Variants in MAP2 observed in about 807,000 individuals in gnomAD.
MAP2 encodes microtubule-associated protein 2.
MAP2 carries 14 observed loss-of-function variants against 137.6 expected under a neutral mutation model. That is an observed-to-expected ratio of 0.10 (90% CI 0.07 to 0.16). MAP2 has a LOEUF of 0.16. MAP2 is among the 10% of genes least tolerant of loss of function. The pLI, the probability that MAP2 is intolerant of heterozygous loss-of-function variation, is 1.00. For missense variants in MAP2, 2,088 were observed against 2,191.5 expected (o/e 0.95, Z 0.94); for synonymous variants, 786 against 782.3 (o/e 1.00, Z -0.08).
rs892325373 is a variant in MAP2 at position 209,481,453 on chromosome 2, C to T, written c.-221-26139C>T. Among the ~76,000 whole-genome samples the T allele has an allele frequency of 5.9e-5, 9 of 152,112 alleles. No individual in the cohort carries two copies. The East Asian group carries it at 1.2e-3, about 20-fold the overall frequency. On this transcript the variant is annotated intron_variant, in intron 1 of 15. Transcript: ENST00000682079. Reference sequence around the variant, plus strand: ...ATTGTTTCATTGATGGGGGACTGGGCGGTACACCAAAGTGCCACTCCATCC... The same window carrying T: ...ATTGTTTCATTGATGGGGGACTGGGTGGTACACCAAAGTGCCACTCCATCC...
intron 3 of MAP2, among the ~76,000 whole-genome samples, chr2:209,588,429 T>C (rs1461343121): frequency 1.3e-5 from 2 of 152,202 alleles, no homozygotes; most frequent in Non-Finnish European, 2.9e-5. Flanking sequence ...TATGACCATT[T>C]TAAAAAGCCA....
intron 2 of MAP2, among the ~76,000 whole-genome samples, chr2:209,576,277 T>G (rs1009983369): frequency 6.6e-6 from 1 of 152,118 alleles, no homozygotes; most frequent in African/African-American, 2.4e-5. Context: ...GAAGTCTTGC[T>G]CTGTCGCCCA....
chr2:209,518,560 G>C (rs1383798344), intron 2 of MAP2, among the ~76,000 whole-genome samples: 1 of 152,006 alleles, frequency 6.6e-6, no homozygotes, highest in Non-Finnish European at 1.5e-5. Context: ...TCTGTATTCT[G>C]CCTCTTCTTT....
chr2:209,558,196 C>A (rs113625462), intron 2 of MAP2, among the ~76,000 whole-genome samples: 3 of 150,784 alleles, frequency 2.0e-5, no homozygotes, highest in Non-Finnish European at 4.4e-5. Flanking sequence ...TTATTTCTTT[C>A]TTTATTTTTT....
At chr2:209,428,470 G>C (rs1279744911) in intron 1 of MAP2, among the ~76,000 whole-genome samples, 1 of 120,766 alleles carries the variant, frequency 8.3e-6, no homozygotes, top group Non-Finnish European at 1.8e-5. Flanking sequence ...TTCCTTTTTT[G>C]TCTTCTTTCC....
Position 209,694,001 on chromosome 2 carries a change from C to T in MAP2, c.1831C>T (p.Pro611Ser). ...CCATGAGTCTATTGATACCATGTCT[C>T]CCATGCATAAAAATGGTGACAAGGA... The part of the protein sequence containing the change: ...SVHESIDTMS[P>S]MHKNGDKEFQ... The change falls in exon 8 of 16, where the codon CCC becomes TCC. Residue 611 changes from proline (P) to serine (S), a missense_variant. Physicochemically the swap from Pro to Ser is moderately conservative, Grantham distance 74. Around this residue, in one of 6 missense-constraint regions of MAP2, gnomAD observed 859 missense variants for 794.5 expected, o/e 1.08. Transcript: ENST00000682079. 6 of 1,613,950 alleles carry T rather than the reference C, an allele frequency of 3.7e-6. No individual in the cohort carries two copies. The highest frequency in any genetic ancestry group is 2.2e-5 in the East Asian group (1 of 44,870).
chr2:209,670,173 ATTTCTC>A (rs2048175530), intron 5 of MAP2, among the ~76,000 whole-genome samples: 1 of 151,920 alleles, frequency 6.6e-6, no homozygotes, highest in African/African-American at 2.4e-5. Context: ...CTCTCTAGGA[ATTTCTC>A]TTTCTCAAGT....
intron 2 of MAP2, among the ~76,000 whole-genome samples, chr2:209,539,943 A>G (rs1577529997): frequency 6.6e-6 from 1 of 150,888 alleles, no homozygotes. Flanking sequence ...CGAAAAAAAA[A>G]AAAAAAAAAT....
At chr2:209,578,080 G>A (rs958679166) in intron 2 of MAP2, among the ~76,000 whole-genome samples, 2 of 152,158 alleles carry the variant, frequency 1.3e-5, no homozygotes. Flanking sequence ...AGCAGGGAAA[G>A]AAAGTCACTT....
In MAP2 at chr2:209,654,947, A is replaced by G. The variant is rs770514576; in HGVS notation, c.262+1515A>G. ...TTACTTTGTCCCTTGGGCTCTCGCC[A>G]GTTGACTCTCAGTGCCTGTTATGAA... On this transcript the variant is annotated intron_variant, in intron 5 of 15. Coordinates refer to ENST00000682079, the MANE Select transcript of MAP2 (RefSeq NM_001375505.1). 3.9e-5 allele frequency among the ~76,000 whole-genome samples: 6 copies of G among 152,330 alleles called. No homozygotes were observed. The South Asian group carries it at 1.0e-3, about 26-fold the overall frequency.
rs149674945 is a variant in MAP2, at chr2:209,709,979, G to T, written c.4798G>T (p.Ala1600Ser). 1.1e-4 allele frequency: 176 copies of T among 1,613,878 alleles called. 2 individuals are homozygous for T. The highest frequency in any genetic ancestry group is 6.7e-5 in the Admixed American group (4 of 59,972). ...TSTPTTPGSTAITPGTPPSYS... is the reference protein window; with the variant it reads ...TSTPTTPGSTSITPGTPPSYS... ...AACACCCACTACCCCTGGGTCTACT[G>T]CCATCACTCCTGGCACCCCACCAAG... The change falls in exon 13 of 16, where the codon GCC (alanine) becomes TCC (serine). Residue 1600 changes from alanine (A) to serine (S), a missense_variant. Transcript: ENST00000682079.
At chr2:209,637,940 A>G (rs1264104493) in intron 4 of MAP2, among the ~76,000 whole-genome samples, 2 of 151,976 alleles carry the variant, frequency 1.3e-5, no homozygotes, top group Non-Finnish European at 2.9e-5. Flanking sequence ...GTCTATTTTT[A>G]TATCTAAGTA....
intron 4 of MAP2, among the ~76,000 whole-genome samples, chr2:209,650,088 T>A (rs949335336): frequency 2.0e-5 from 3 of 152,298 alleles, no homozygotes; most frequent in African/African-American, 7.2e-5. Context: ...CACTGAGAAA[T>A]CTGTTCCAGA....
chr2:209,632,739 C>A (rs1463824995), intron 4 of MAP2, among the ~76,000 whole-genome samples: 3 of 152,112 alleles, frequency 2.0e-5, no homozygotes, highest in Admixed American at 1.3e-4. Flanking sequence ...ATCCAAGAAT[C>A]TATTGTTTAA....
At chr2:209,614,055 G>A (rs1559410975) in intron 3 of MAP2, among the ~76,000 whole-genome samples, 1 of 152,072 alleles carries the variant, frequency 6.6e-6, no homozygotes, top group Non-Finnish European at 1.5e-5. Flanking sequence ...TTAGATGAAA[G>A]CTTTTCAATA....
chr2:209,462,314 TTCAGAACTGCAC>T (rs1461325395), intron 1 of MAP2, among the ~76,000 whole-genome samples: 5 of 152,182 alleles, frequency 3.3e-5, no homozygotes, highest in African/African-American at 1.2e-4. Context: ...AAAAACAGGC[TTCAGAACTGCAC>T]TCCAGTGGTA....
At chr2:209,664,447 G>T (rs1300322816) in intron 5 of MAP2, among the ~76,000 whole-genome samples, 1 of 152,098 alleles carries the variant, frequency 6.6e-6, no homozygotes, top group Non-Finnish European at 1.5e-5. Flanking sequence ...CTACCTGGGA[G>T]GCTGAAGCCC....
chr2:209,559,400 G>A (rs576075629), intron 2 of MAP2, among the ~76,000 whole-genome samples: 6 of 149,280 alleles, frequency 4.0e-5, no homozygotes, highest in African/African-American at 1.5e-4. Flanking sequence ...TTGGGAGGCC[G>A]AGGCAGGCAG....
chr2:209,536,183 G>A (rs1257433570), intron 2 of MAP2, among the ~76,000 whole-genome samples: 1 of 152,168 alleles, frequency 6.6e-6, no homozygotes, highest in Non-Finnish European at 1.5e-5. Flanking sequence ...CCTGATCTGT[G>A]CCATAAGCTG....
Sources: allele counts gnomAD v4.1 joint callset (sites outside exome capture counted in the v4.1 genomes callset), GRCh38; gene constraint gnomAD v4.1.1; regional missense constraint gnomAD v4.1.1; transcripts MANE v1.5; gene names NCBI Gene and HGNC (gene_info 2026-07-23, HGNC 2026-07-21).